Variants in MFHAS1 observed in about 807,000 individuals in gnomAD.
The protein encoded by MFHAS1 is multifunctional ROCO family signaling regulator 1, also known as malignant fibrous histiocytoma-amplified sequence 1.
Under a neutral mutation model 70.4 loss-of-function variants are expected in MFHAS1, and 50 were observed. The ratio of observed to expected loss-of-function variants is 0.71; its 90% CI spans 0.57 to 0.90. The LOEUF (loss-of-function observed/expected upper bound fraction) is 0.90, where lower values mean the gene tolerates loss of function less well. Among genes scored for constraint, MFHAS1 ranks in the 40% least tolerant of loss-of-function variants. MFHAS1 has a pLI of 0.00. For missense variants in MFHAS1, 1,795 were observed against 1,347.6 expected, an observed-to-expected ratio of 1.33 and a Z score of -5.20; for synonymous variants, 952 against 620.0, an observed-to-expected ratio of 1.54 and a Z score of -7.96.
intron 1 of MFHAS1, among the ~76,000 whole-genome samples, chr8:8,880,522 C>A (rs527671170): frequency 4.6e-5 from 7 of 152,322 alleles, no homozygotes; most frequent in Admixed American, 3.3e-4. Context: ...ACACGCACAA[C>A]AGAAACCTCC....
At chr8:8,844,453 C>CAT (rs1807952700) in intron 1 of MFHAS1, among the ~76,000 whole-genome samples, 1 of 152,204 alleles carries the variant, frequency 6.6e-6, no homozygotes, top group African/African-American at 2.4e-5. Flanking sequence ...TAAGCCTAGG[C>CAT]ATATACACAG....
chr8:8,892,303 C>A lies in MFHAS1; in HGVS notation c.756G>T (p.Leu252Phe). 1 of 1,612,588 alleles carries A rather than the reference C, an allele frequency of 6.2e-7. No individual in the cohort carries two copies. Among genetic ancestry groups the A allele is most frequent in the East Asian group, 2.2e-5 (1 of 44,874 alleles). ...LPAGFCELASLESLMLDNNGL... is the reference protein window; with the variant it reads ...LPAGFCELASFESLMLDNNGL... ...CGTTGTTGTCTAGCATGAGGCTCTC[C>A]AAACTGGCCAGCTCGCAGAAGCCGG... Residue 252 changes from leucine (L) to phenylalanine (F), a missense_variant, in exon 1 of 3, where the codon TTG becomes TTT. By Grantham distance (22) the Leu-to-Phe change is conservative. Coordinates refer to ENST00000276282, the MANE Select transcript of MFHAS1 (RefSeq NM_004225.3). The surrounding 1 kb of genome is among the most constrained non-coding windows in gnomAD (Gnocchi z 4.7).
At chr8:8,810,729 G>A (rs887076004) in intron 1 of MFHAS1, among the ~76,000 whole-genome samples, 17 of 152,216 alleles carry the variant, frequency 1.1e-4, no homozygotes, top group African/African-American at 4.1e-4. Context: ...TAGGCTATCA[G>A]TAGTTAAGGA....
intron 1 of MFHAS1, among the ~76,000 whole-genome samples, chr8:8,801,958 C>T (rs1300806480): frequency 6.6e-6 from 1 of 152,160 alleles, no homozygotes; most frequent in African/African-American, 2.4e-5. Context: ...GACGAAGGAC[C>T]CAGCAACTTT....
At chr8:8,885,621 G>A (rs745652635) in intron 1 of MFHAS1, among the ~76,000 whole-genome samples, 15 of 152,306 alleles carry the variant, frequency 9.8e-5, no homozygotes, top group East Asian at 1.9e-4. Context: ...ACCAACCAAT[G>A]AGAAGGAAAA....
chr8:8,787,849 G>A (rs947087444), intron 2 of MFHAS1, among the ~76,000 whole-genome samples: 1 of 152,184 alleles, frequency 6.6e-6, no homozygotes, highest in Non-Finnish European at 1.5e-5. Context: ...CCTAATCAAG[G>A]ACACCTAGAC....
intron 1 of MFHAS1, among the ~76,000 whole-genome samples, chr8:8,872,954 G>A (rs771553641): frequency 6.6e-6 from 1 of 152,086 alleles, no homozygotes; most frequent in Non-Finnish European, 1.5e-5. Context: ...AGAGTGAGAC[G>A]GAGACAACCG....
At chr8:8,848,603 G>A (rs890022104) in intron 1 of MFHAS1, among the ~76,000 whole-genome samples, 1 of 141,702 alleles carries the variant, frequency 7.1e-6, no homozygotes, top group Non-Finnish European at 1.6e-5. Flanking sequence ...ACTACTAACG[G>A]AGCTGGGCAG....
At chr8:8,848,891 G>A (rs989758716) in intron 1 of MFHAS1, among the ~76,000 whole-genome samples, 1 of 151,992 alleles carries the variant, frequency 6.6e-6, no homozygotes, top group East Asian at 1.9e-4. Flanking sequence ...GTTAAATCAA[G>A]TTACCTTTTT....
In MFHAS1 at chr8:8,890,776, C is replaced by T. The variant is rs1809977499; in HGVS notation, c.2283G>A (p.Lys761=). The T allele has an allele frequency of 6.2e-7, 1 of 1,614,138 alleles. No individual in the cohort carries two copies. Among genetic ancestry groups the T allele is most frequent in the Non-Finnish European group, 8.5e-7 (1 of 1,180,020 alleles). ...KLLLGTSGEG[K]AEGESSPPMA... ...TGGGCGGGGAGCTTTCCCCCTCCGC[C>T]TTGCCCTCTCCACTGGTCCCTAGGA... is the stretch of plus-strand genomic sequence containing the variant. Residue 761 remains lysine, a synonymous_variant, in exon 1 of 3, where the codon AAG becomes AAA. Transcript: ENST00000276282.
intron 1 of MFHAS1, among the ~76,000 whole-genome samples, chr8:8,845,327 G>C (rs1807992400): frequency 1.3e-5 from 2 of 152,182 alleles, no homozygotes; most frequent in African/African-American, 4.8e-5. Context: ...ATATTGGCAA[G>C]ATTACAATTG....
At position 8,892,794 on chromosome 8, in the gene MFHAS1, G is replaced by C; in HGVS notation, c.265C>G (p.Leu89Val). Residue 89 changes from leucine (L) to valine (V), a missense_variant, in exon 1 of 3, where the codon CTG (leucine) becomes GTG (valine). By Grantham distance (32) the Leu-to-Val change is conservative (BLOSUM62 1). Coordinates refer to ENST00000276282, the MANE Select transcript of MFHAS1 (RefSeq NM_004225.3). The surrounding 1 kb of genome is among the most constrained non-coding windows in gnomAD (Gnocchi z 4.7). Reference protein sequence around the residue: ...PEGLGSALGSLRVLVLRRNRF... With the variant: ...PEGLGSALGSVRVLVLRRNRF... ...TTCCTGCGCAGGACCAGGACGCGCA[G>C]GCTGCCCAGCGCCGACCCCAGCCCC... is the stretch of plus-strand genomic sequence containing the variant. 1.3e-6 allele frequency: 2 copies of C among 1,586,254 alleles called. No individual in the cohort carries two copies. The highest frequency in any genetic ancestry group is 1.7e-6 in the Non-Finnish European group (2 of 1,166,778).
At chr8:8,860,811 G>A (rs1484878090) in intron 1 of MFHAS1, among the ~76,000 whole-genome samples, 1 of 152,186 alleles carries the variant, frequency 6.6e-6, no homozygotes, top group Non-Finnish European at 1.5e-5. Context: ...GCTCTTGGCA[G>A]ACAGTTCTAA....
chr8:8,892,204 G>A lies in MFHAS1; in HGVS notation c.855C>T (p.Phe285=), dbSNP rs746376157. ...GCAGCAGCGCGGCAGGGAACTCCTCGAAGAGGTTGGAGGAGAGGTTGAGCA... is the reference window on the plus strand; with the variant it reads ...GCAGCAGCGCGGCAGGGAACTCCTCAAAGAGGTTGGAGGAGAGGTTGAGCA... The part of the protein sequence containing the change: ...LKMLNLSSNL[F]EEFPAALLPL... The change falls in exon 1 of 3, where the codon TTC becomes TTT. Residue 285 remains phenylalanine, a synonymous_variant. Transcript: ENST00000276282. This position sits in a 1 kb window ranked among gnomAD's most constrained non-coding sequence, Gnocchi z 4.7. 1.9e-6 allele frequency: 3 copies of A among 1,610,052 alleles called. No homozygotes were observed. In the African/African-American group the frequency reaches 4.0e-5, roughly 21 times the overall value.
intron 1 of MFHAS1, among the ~76,000 whole-genome samples, chr8:8,802,502 G>A (rs1457592565): frequency 6.6e-6 from 1 of 152,204 alleles, no homozygotes; most frequent in Non-Finnish European, 1.5e-5. Context: ...CACCATATGT[G>A]AATGAGAAAC....
chr8:8,785,380 CAGAG>C lies in MFHAS1; in HGVS notation c.*638_*641del, dbSNP rs1216254626. Reference sequence around the variant, plus strand: ...AACCAACACTTAATCCATGGGCTAACAGAGAGATTTTTTTTTTAATGTGAAGAGG... The same window carrying C: ...AACCAACACTTAATCCATGGGCTAACAGATTTTTTTTTTAATGTGAAGAGG... On this transcript the variant is annotated 3_prime_UTR_variant, in exon 3 of 3. Coordinates refer to ENST00000276282, the MANE Select transcript of MFHAS1 (RefSeq NM_004225.3). 1.9e-5 allele frequency: 1 copy of C among 52,834 alleles called. No homozygotes were observed. The highest frequency in any genetic ancestry group is 4.9e-5 in the Non-Finnish European group (1 of 20,348). The allele number at this position is 52,834 out of a possible 1,614,324, so 3.3% of individuals were successfully genotyped here. A position where few individuals can be genotyped will look rare whatever the true frequency, so the allele number is the denominator to read the frequency against.
At chr8:8,821,879 A>G (rs754470212) in intron 1 of MFHAS1, 1 of 152,286 alleles carries the variant, frequency 6.6e-6, no homozygotes, top group Non-Finnish European at 1.5e-5. Flanking sequence ...GCCCGCGTCA[A>G]AAGGAGAACA....
intron 1 of MFHAS1, among the ~76,000 whole-genome samples, chr8:8,888,702 G>T (rs763484681): frequency 6.6e-6 from 1 of 152,124 alleles, no homozygotes; most frequent in African/African-American, 2.4e-5. Flanking sequence ...GCCGGGGTTG[G>T]GGGGAATGAA....
intron 2 of MFHAS1, among the ~76,000 whole-genome samples, chr8:8,786,347 AT>A (rs1805541714): frequency 6.6e-6 from 1 of 152,228 alleles, no homozygotes. Context: ...CTGTAATTTT[AT>A]AGCTTAACTA....
Sources: allele counts gnomAD v4.1 joint callset (sites outside exome capture counted in the v4.1 genomes callset), GRCh38; gene constraint gnomAD v4.1.1; non-coding constraint Gnocchi (gnomAD v3.1); transcripts MANE v1.5; gene names NCBI Gene and HGNC (gene_info 2026-07-23, HGNC 2026-07-21).